Variants in FAM20B observed in about 807,000 individuals in gnomAD.
The protein encoded by FAM20B is glycosaminoglycan xylosylkinase.
In FAM20B, 23 loss-of-function variants were observed where a neutral mutation model predicts 43.8. That is an observed-to-expected ratio of 0.53 (90% CI 0.38 to 0.74). FAM20B has a LOEUF of 0.74. Ranked by LOEUF, FAM20B falls within the 30% of genes least tolerant of loss-of-function variation. The pLI is 0.00. For synonymous variants in FAM20B, 178 were observed against 192.4 expected (o/e 0.93, Z 0.62); for missense variants, 440 against 510.5 (o/e 0.86, Z 1.33).
intron 1 of FAM20B, among the ~76,000 whole-genome samples, chr1:179,037,413 A>G (rs1650287123): frequency 6.6e-6 from 1 of 151,536 alleles, no homozygotes; most frequent in Admixed American, 6.6e-5. Context: ...GTGAAATAAT[A>G]GAACCCTTCA....
upstream of FAM20B, among the ~76,000 whole-genome samples, chr1:179,022,248 A>G (rs1649615423): frequency 6.6e-6 from 1 of 152,194 alleles, no homozygotes; most frequent in Non-Finnish European, 1.5e-5. Flanking sequence ...GGCAGGGCAC[A>G]TGCTCCTGGA....
chr1:179,051,055 C>G (rs10913678), intron 3 of FAM20B, among the ~76,000 whole-genome samples: 106,580 of 150,952 alleles, frequency 0.71, 38,751 homozygotes, highest in African/African-American at 0.88. Context: ...CCAGGAGGCA[C>G]AGCTTGCAGT....
At position 179,076,398 on chromosome 1, in the gene FAM20B, AC is replaced by A. The variant is rs1447475465; in HGVS notation, c.*4255del. 3 of 152,556 alleles carry A rather than the reference AC, an allele frequency of 2.0e-5. No individual in the cohort carries two copies. The highest frequency in any genetic ancestry group is 7.2e-5 in the African/African-American group (3 of 41,454). The allele number at this position is 152,556 out of a possible 1,614,324, so 9.5% of individuals were successfully genotyped here. ...TGCTTAAATGGAAAGTGTGGGAGCCACTACCCTCTCTTTTGATCTGCCAAGG... is the reference window on the plus strand; with the variant it reads ...TGCTTAAATGGAAAGTGTGGGAGCCATACCCTCTCTTTTGATCTGCCAAGG... On this transcript the variant is annotated 3_prime_UTR_variant, in exon 8 of 8. Coordinates refer to ENST00000263733, the MANE Select transcript of FAM20B (RefSeq NM_014864.4).
At chr1:179,019,477 T>A in the FAM20B span, among the ~76,000 whole-genome samples, 3 of 151,990 alleles carry the variant, frequency 2.0e-5, no homozygotes, top group Admixed American at 6.5e-5. Flanking sequence ...CTTTTTTTTT[T>A]TTGAGATGGA....
At chr1:179,027,507 A>G (rs945544875) in intron 1 of FAM20B, among the ~76,000 whole-genome samples, 6 of 152,206 alleles carry the variant, frequency 3.9e-5, no homozygotes, top group African/African-American at 1.2e-4. Flanking sequence ...TAACTTTTCT[A>G]AAGTTTGCAA....
At chr1:179,070,003 T>C (rs1651846738) in intron 7 of FAM20B, among the ~76,000 whole-genome samples, 1 of 152,174 alleles carries the variant, frequency 6.6e-6, no homozygotes, top group Non-Finnish European at 1.5e-5. Context: ...GTTCGTTTTG[T>C]GCTGCTGTAA....
chr1:179,062,715 C>G (rs1344109884), intron 4 of FAM20B, among the ~76,000 whole-genome samples: 1 of 152,090 alleles, frequency 6.6e-6, no homozygotes, highest in African/African-American at 2.4e-5. Flanking sequence ...ATTTCCAATT[C>G]TAATTCACCA....
At chr1:179,023,417 T>G (rs924946381), upstream of FAM20B, among the ~76,000 whole-genome samples, 1 of 152,272 alleles carries the variant, frequency 6.6e-6, no homozygotes, top group East Asian at 1.9e-4. Context: ...GACAACGACA[T>G]GTAGAACCAT....
intron 4 of FAM20B, among the ~76,000 whole-genome samples, chr1:179,060,855 CTCTT>C (rs777040687): frequency 2.0e-5 from 3 of 152,096 alleles, no homozygotes; most frequent in Admixed American, 6.6e-5. Context: ...ATAAGAGTGA[CTCTT>C]TCTGCTAGCT....
chr1:179,020,143 ATG>A, the FAM20B span, among the ~76,000 whole-genome samples: 24 of 140,766 alleles, frequency 1.7e-4, no homozygotes, highest in African/African-American at 3.5e-4. Context: ...TGCTCTGTGT[ATG>A]TGTGTGTATA....
At chr1:179,038,719 A>C (rs1282468218) in intron 1 of FAM20B, among the ~76,000 whole-genome samples, 1 of 152,258 alleles carries the variant, frequency 6.6e-6, no homozygotes, top group African/African-American at 2.4e-5. Flanking sequence ...TGTTATCAGT[A>C]ATCACAGGGA....
intron 7 of FAM20B, among the ~76,000 whole-genome samples, chr1:179,069,667 T>C (rs1403324880): frequency 6.6e-6 from 1 of 152,120 alleles, no homozygotes; most frequent in African/African-American, 2.4e-5. Flanking sequence ...CCACCGTGCC[T>C]GGCCAGCAGA....
intron 2 of FAM20B, among the ~76,000 whole-genome samples, chr1:179,048,955 A>G (rs1362061638): frequency 6.6e-6 from 1 of 152,284 alleles, no homozygotes; most frequent in South Asian, 2.1e-4. Flanking sequence ...AGAGCCAACT[A>G]TCCTTAGTGG....
In FAM20B at chr1:179,063,910, T is replaced by C; in HGVS notation, c.575-17T>C. ...CGTTATTTCCTTAAGTGTATTTGGC[T>C]CCTTTCTGTCCTTTAGGAAACAATA... On this transcript the variant is annotated splice_polypyrimidine_tract_variant and intron_variant, in intron 4 of 7. Transcript: ENST00000263733. 6.3e-7 allele frequency: 1 copy of C among 1,581,306 alleles called. No homozygotes were observed. The highest frequency in any genetic ancestry group is 8.6e-7 in the Non-Finnish European group (1 of 1,159,782).
intron 2 of FAM20B, among the ~76,000 whole-genome samples, 193 bp from the exon 3 acceptor site, chr1:179,050,086 C>G (rs527699944): frequency 6.6e-6 from 1 of 152,336 alleles, no homozygotes; most frequent in South Asian, 2.1e-4. Context: ...ATAGAGAATT[C>G]TAGTTTCCTT....
chr1:179,043,872 C>T lies in FAM20B; in HGVS notation c.25C>T (p.Leu9=). MKLKQRVV[L]LAILLVIFIF... is the part of the protein sequence containing the mutation. ...CATGAAGCTAAAGCAGCGAGTCGTG[C>T]TGTTAGCAATTCTCCTTGTCATTTT... The change falls in exon 2 of 8, where the codon CTG becomes TTG. Residue 9 remains leucine (L), a synonymous_variant. Coordinates refer to ENST00000263733, the MANE Select transcript of FAM20B (RefSeq NM_014864.4). 6.2e-7 allele frequency: 1 copy of T among 1,604,754 alleles called. No individual in the cohort carries two copies. Among genetic ancestry groups the T allele is most frequent in the Non-Finnish European group, 8.5e-7 (1 of 1,172,332 alleles).
upstream of FAM20B, among the ~76,000 whole-genome samples, chr1:179,021,113 C>T (rs1242847722): frequency 6.6e-6 from 1 of 152,164 alleles, no homozygotes; most frequent in Non-Finnish European, 1.5e-5. Flanking sequence ...TGATAATTGT[C>T]CTCTAGCACA....
chr1:179,035,113 G>A (rs965284330), intron 1 of FAM20B, among the ~76,000 whole-genome samples: 11 of 152,166 alleles, frequency 7.2e-5, no homozygotes, highest in African/African-American at 1.2e-4. Flanking sequence ...GGTAGTAAGC[G>A]TTAAGGCCAG....
chr1:179,037,270 G>T (rs1380190146), intron 1 of FAM20B, among the ~76,000 whole-genome samples: 1 of 152,094 alleles, frequency 6.6e-6, no homozygotes, highest in Non-Finnish European at 1.5e-5. Context: ...ATGAAAGACG[G>T]CTGTAAAGAA....
Sources: allele counts gnomAD v4.1 joint callset (sites outside exome capture counted in the v4.1 genomes callset), GRCh38; gene constraint gnomAD v4.1.1; transcripts MANE v1.5; gene names NCBI Gene and HGNC (gene_info 2026-07-23, HGNC 2026-07-21).